PLCB1: variants seen among roughly 807,000 people sequenced by gnomAD.
PLCB1 encodes the protein phospholipase C beta 1.
Under a neutral mutation model 161.8 loss-of-function variants are expected in PLCB1, and 46 were observed. The observed-to-expected ratio is 0.28, with a 90% CI of 0.22 to 0.36. The LOEUF (loss-of-function observed/expected upper bound fraction) is 0.36. PLCB1 is among the 10% of genes least tolerant of loss of function. PLCB1 has a pLI of 1.00. For missense variants in PLCB1, 1,016 were observed against 1,472.5 expected (o/e 0.69, Z 5.07); for synonymous variants, 517 against 503.7 (o/e 1.03, Z -0.35).
At chr20:8,176,380 A>G (rs934681906) in intron 2 of PLCB1, among the ~76,000 whole-genome samples, 3 of 152,304 alleles carry the variant, frequency 2.0e-5, no homozygotes, top group Admixed American at 6.5e-5. Flanking sequence ...GAAAAAGCCA[A>G]TCTCAAAAGG....
At chr20:8,541,248 C>A (rs1373820779) in intron 3 of PLCB1, among the ~76,000 whole-genome samples, 2 of 152,128 alleles carry the variant, frequency 1.3e-5, no homozygotes, top group African/African-American at 4.8e-5. Context: ...GCTGGTGTGC[C>A]ACTAATGCTC....
At chr20:8,860,874 T>C (rs942566298) in intron 31 of PLCB1, among the ~76,000 whole-genome samples, 3 of 152,232 alleles carry the variant, frequency 2.0e-5, no homozygotes, top group Non-Finnish European at 4.4e-5. Flanking sequence ...TTTTTGACTT[T>C]CAACTCAGTG....
intron 31 of PLCB1, among the ~76,000 whole-genome samples, chr20:8,875,018 A>G (rs1987731033): frequency 6.6e-6 from 1 of 151,890 alleles, no homozygotes; most frequent in African/African-American, 2.4e-5. Context: ...AAATTAATCA[A>G]TATAATAAAT....
chr20:8,664,261 A>T (rs1477319781), intron 9 of PLCB1, among the ~76,000 whole-genome samples: 2 of 152,204 alleles, frequency 1.3e-5, no homozygotes, highest in Non-Finnish European at 2.9e-5. Flanking sequence ...TAATTAAGTC[A>T]TAAAAATGAA....
At chr20:8,727,960 G>T (rs187994804) in intron 17 of PLCB1, among the ~76,000 whole-genome samples, 7 of 151,976 alleles carry the variant, frequency 4.6e-5, no homozygotes, top group Non-Finnish European at 7.4e-5. Flanking sequence ...AGTGAAACAG[G>T]CTATTAAATT....
intron 3 of PLCB1, among the ~76,000 whole-genome samples, chr20:8,499,792 A>G (rs1200020555): frequency 6.6e-6 from 1 of 152,180 alleles, no homozygotes; most frequent in Non-Finnish European, 1.5e-5. Context: ...CTTTTCTCTC[A>G]TTTTATTTTT....
intron 18 of PLCB1, 34 bp downstream of exon 18, chr20:8,729,208 C>A (rs138693672): frequency 6.5e-7 from 1 of 1,534,450 alleles, no homozygotes; most frequent in Non-Finnish European, 8.8e-7. Context: ...CTGCTATGAA[C>A]TCACATTGCC....
intron 3 of PLCB1, among the ~76,000 whole-genome samples, chr20:8,538,390 A>G (rs1985137200): frequency 3.3e-5 from 5 of 152,198 alleles, no homozygotes; most frequent in Non-Finnish European, 7.3e-5. Flanking sequence ...TCTGTTGCCC[A>G]GGCTGGAGTG....
At chr20:8,192,643 G>A (rs2051981931) in intron 2 of PLCB1, among the ~76,000 whole-genome samples, 2 of 151,878 alleles carry the variant, frequency 1.3e-5, no homozygotes, top group Non-Finnish European at 2.9e-5. Context: ...CATTTACAAG[G>A]AGTAAATGCT....
At chr20:8,579,495 T>C (rs1447082221) in intron 3 of PLCB1, among the ~76,000 whole-genome samples, 1 of 152,232 alleles carries the variant, frequency 6.6e-6, no homozygotes, top group Non-Finnish European at 1.5e-5. Flanking sequence ...GTTGGGTTAG[T>C]TCGTTACATG....
intron 27 of PLCB1, among the ~76,000 whole-genome samples, chr20:8,780,250 C>T (rs1414618143): frequency 6.6e-6 from 1 of 152,144 alleles, no homozygotes; most frequent in African/African-American, 2.4e-5. Flanking sequence ...TCAGCTCTAC[C>T]ATCACATTCT....
intron 2 of PLCB1, among the ~76,000 whole-genome samples, chr20:8,341,598 G>A (rs1317509145): frequency 1.3e-5 from 2 of 152,132 alleles, no homozygotes; most frequent in Non-Finnish European, 2.9e-5. Flanking sequence ...GGCCCTCCCA[G>A]TCCCAAGCGA....
intron 3 of PLCB1, among the ~76,000 whole-genome samples, chr20:8,522,501 C>G (rs1005715479): frequency 6.6e-6 from 1 of 152,094 alleles, no homozygotes; most frequent in African/African-American, 2.4e-5. Flanking sequence ...ACCCTATGAT[C>G]TACACTTTCT....
intron 2 of PLCB1, among the ~76,000 whole-genome samples, chr20:8,206,749 AAGAT>A (rs1177423899): frequency 6.6e-6 from 1 of 152,096 alleles, no homozygotes; most frequent in Admixed American, 6.6e-5. Context: ...AACATGCACA[AAGAT>A]AGTCATTATA....
intron 2 of PLCB1, among the ~76,000 whole-genome samples, chr20:8,267,036 T>TA (rs376821037): frequency 8.5e-4 from 107 of 126,152 alleles, no homozygotes; most frequent in South Asian, 2.0e-3. Context: ...AGACTTCGTC[T>TA]AAAAAAAAAA....
chr20:8,271,744 C>T (rs973158505), intron 2 of PLCB1, among the ~76,000 whole-genome samples: 6 of 151,976 alleles, frequency 3.9e-5, no homozygotes, highest in African/African-American at 1.5e-4. Context: ...TGGAACCAAC[C>T]AAGACAGAAA....
chr20:8,603,874 TTAA>T (rs1987673592), intron 3 of PLCB1, among the ~76,000 whole-genome samples: 1 of 152,146 alleles, frequency 6.6e-6, no homozygotes, highest in African/African-American at 2.4e-5. Context: ...TTTTGGGGTG[TTAA>T]TAATATTTTG....
intron 2 of PLCB1, among the ~76,000 whole-genome samples, chr20:8,219,965 T>C (rs912910105): frequency 6.6e-6 from 1 of 152,152 alleles, no homozygotes; most frequent in Non-Finnish European, 1.5e-5. Context: ...AATTTGAATA[T>C]CTTTGTGCTC....
chr20:8,693,312 C>A (rs984954884), intron 10 of PLCB1, among the ~76,000 whole-genome samples: 2 of 152,174 alleles, frequency 1.3e-5, no homozygotes, highest in African/African-American at 4.8e-5. Context: ...CTTACATAGA[C>A]ACTTTGTCTC....
Sources: gnomAD v4.1 joint callset for allele counts (sites outside exome capture counted in the v4.1 genomes callset) on GRCh38, gnomAD v4.1.1 for gene constraint, MANE v1.5 for transcripts, NCBI Gene and HGNC (gene_info 2026-07-23, HGNC 2026-07-21) for gene names.